The following SORCS2 variants were observed in gnomAD, a reference collection of about 807,000 sequenced individuals.
SORCS2 encodes sortilin related VPS10 domain containing receptor 2, also known as VPS10 domain-containing receptor SorCS2.
In SORCS2, 100 loss-of-function variants were observed where a neutral mutation model predicts 141.6. The observed-to-expected ratio is 0.71, with a 90% CI of 0.60 to 0.83. SORCS2 has a LOEUF of 0.83. Ranked by LOEUF, SORCS2 falls within the 40% of genes least tolerant of loss-of-function variation. The probability of loss-of-function intolerance (pLI) is 0.00; values close to 1 mark genes in which losing one functional copy is unlikely to be tolerated. For synonymous variants in SORCS2, 789 were observed against 676.9 expected, an observed-to-expected ratio of 1.17 and a Z score of -2.57; for missense variants, 1,646 against 1,560.2, an observed-to-expected ratio of 1.05 and a Z score of -0.93.
intron 1 of SORCS2, among the ~76,000 whole-genome samples, chr4:7,227,896 CG>C (rs1050535311): frequency 2.0e-5 from 3 of 152,046 alleles, no homozygotes; most frequent in Non-Finnish European, 2.9e-5. Context: ...CTCAGGGTGC[CG>C]GGGAGGGCAT....
intron 4 of SORCS2, among the ~76,000 whole-genome samples, chr4:7,651,871 G>A (rs986782338): frequency 2.0e-5 from 3 of 152,210 alleles, no homozygotes; most frequent in Admixed American, 6.5e-5. Context: ...CGGGGACTCG[G>A]AAGGCACATT....
chr4:7,249,298 C>T (rs1713325275), intron 1 of SORCS2, among the ~76,000 whole-genome samples: 1 of 152,148 alleles, frequency 6.6e-6, no homozygotes, highest in Non-Finnish European at 1.5e-5. Flanking sequence ...CTCTCTCCTG[C>T]AGCCTCTTCA....
At chr4:7,511,451 C>CAG (rs1036189309) in intron 2 of SORCS2, among the ~76,000 whole-genome samples, 1 of 146,354 alleles carries the variant, frequency 6.8e-6, no homozygotes, top group Non-Finnish European at 1.5e-5. Context: ...CACACACACA[C>CAG]ACACACAGAT....
At chr4:7,241,813 G>A (rs1192552982) in intron 1 of SORCS2, among the ~76,000 whole-genome samples, 1 of 152,208 alleles carries the variant, frequency 6.6e-6, no homozygotes, top group African/African-American at 2.4e-5. Context: ...GAGCACTTGG[G>A]GAAATGAGCA....
chr4:7,683,564 A>G (rs561334608), intron 10 of SORCS2, among the ~76,000 whole-genome samples: 1 of 152,362 alleles, frequency 6.6e-6, no homozygotes, highest in East Asian at 1.9e-4. Context: ...GAAACAGGCA[A>G]GTACAATTCA....
intron 1 of SORCS2, among the ~76,000 whole-genome samples, chr4:7,317,955 T>G (rs58875428): frequency 0.024 from 3,679 of 152,300 alleles, 50 homozygotes; most frequent in Admixed American, 0.041. Flanking sequence ...CTTCAGAATG[T>G]GACAGAAACT....
chr4:7,325,874 C>T (rs576644944), intron 1 of SORCS2, among the ~76,000 whole-genome samples: 5 of 152,228 alleles, frequency 3.3e-5, no homozygotes, highest in South Asian at 2.1e-4. Flanking sequence ...GATAACCCAG[C>T]GGGATCCATG....
intron 2 of SORCS2, among the ~76,000 whole-genome samples, chr4:7,428,773 A>C (rs1003968199): frequency 1.3e-5 from 2 of 152,134 alleles, no homozygotes; most frequent in Non-Finnish European, 2.9e-5. Flanking sequence ...TGGGTTGGTA[A>C]GGGCCTCAGC....
intron 3 of SORCS2, among the ~76,000 whole-genome samples, chr4:7,545,403 A>G (rs1258895072): frequency 6.6e-6 from 1 of 152,170 alleles, no homozygotes; most frequent in East Asian, 1.9e-4. Context: ...GAGACTTACC[A>G]TGTGCTGGGT....
At chr4:7,436,025 A>G (rs1184440381) in intron 2 of SORCS2, among the ~76,000 whole-genome samples, 2 of 152,256 alleles carry the variant, frequency 1.3e-5, no homozygotes, top group Non-Finnish European at 2.9e-5. Flanking sequence ...TGAGGAATGC[A>G]ATAGTGCAGG....
Position 7,531,544 on chromosome 4 carries a change from G to C in SORCS2, c.563G>C (p.Gly188Ala). Residue 188 changes from glycine to alanine, a missense_variant, in exon 3 of 27, where the codon GGG (glycine) becomes GCG (alanine). Coordinates refer to ENST00000507866, the MANE Select transcript of SORCS2 (RefSeq NM_020777.3). ...TTTTCCCCCAGGTCATCAGATTTCG[G>C]GACGTCCTACACCAAGCTCACCCTC... ...ESSLWRSSDF[G>A]TSYTKLTLQP... 6.2e-7 allele frequency: 1 copy of C among 1,613,812 alleles called. No individual in the cohort carries two copies. The highest frequency in any genetic ancestry group is 1.7e-5 in the Admixed American group (1 of 60,010).
At chr4:7,449,869 A>G (rs925406387) in intron 2 of SORCS2, among the ~76,000 whole-genome samples, 3 of 152,188 alleles carry the variant, frequency 2.0e-5, no homozygotes, top group Admixed American at 6.5e-5. Flanking sequence ...AGAGAGGTTC[A>G]TGAGGAAGGT....
intron 1 of SORCS2, among the ~76,000 whole-genome samples, chr4:7,371,725 G>A (rs573760360): frequency 7.2e-5 from 11 of 152,302 alleles, no homozygotes; most frequent in Middle Eastern, 6.8e-3. Context: ...CACTGACCCC[G>A]GGAGCCACGT....
chr4:7,200,816 A>T (rs984792846), intron 1 of SORCS2, among the ~76,000 whole-genome samples: 2 of 151,896 alleles, frequency 1.3e-5, no homozygotes, highest in African/African-American at 4.8e-5. Flanking sequence ...GGGGCCACAC[A>T]CTCCATGGAT....
intron 1 of SORCS2, among the ~76,000 whole-genome samples, chr4:7,266,962 G>A (rs1458699060): frequency 6.7e-6 from 1 of 150,044 alleles, no homozygotes; most frequent in Non-Finnish European, 1.5e-5. Context: ...CAGTCTGGAA[G>A]AATCAGTGGG....
At chr4:7,730,831 GAAT>G (rs1347629476) in intron 23 of SORCS2, among the ~76,000 whole-genome samples, 1 of 152,168 alleles carries the variant, frequency 6.6e-6, no homozygotes, top group African/African-American at 2.4e-5. Context: ...ACAACTTAGG[GAAT>G]ATACTACAAT....
In SORCS2 at chr4:7,704,286, TGAG is replaced by T. The variant is rs775178002; in HGVS notation, c.1868+3_1868+5del. The T allele has an allele frequency of 6.2e-7, 1 of 1,608,128 alleles. No homozygotes were observed. The highest frequency in any genetic ancestry group is 1.7e-5 in the Admixed American group (1 of 59,288). On this transcript the variant is annotated splice_donor_5th_base_variant and intron_variant, in intron 14 of 26. Coordinates refer to ENST00000507866, the MANE Select transcript of SORCS2 (RefSeq NM_020777.3). Reference sequence around the variant, plus strand: ...AGGGGACGAGACGCTGGTCATGACGTGAGTGCGGGGACCGGGGAGTGGGCACTG... The same window carrying T: ...AGGGGACGAGACGCTGGTCATGACGTTGCGGGGACCGGGGAGTGGGCACTG...
chr4:7,742,080 C>T lies in SORCS2; in HGVS notation c.*1816C>T, dbSNP rs1487498077. ...AAAGCTCTCTCCCCACCCTACCTGC[C>T]CACCTGGGGCTCCTGTGCCCCCTCC... On this transcript the variant is annotated 3_prime_UTR_variant, in exon 27 of 27. Transcript: ENST00000507866. 1 of 152,270 alleles carries T rather than the reference C, an allele frequency of 6.6e-6. No homozygotes were observed. The highest frequency in any genetic ancestry group is 1.5e-5 in the Non-Finnish European group (1 of 68,102). 9.4% of individuals were successfully genotyped at this position (152,270 alleles called of 1,614,324 possible). A position where few individuals can be genotyped will look rare whatever the true frequency, so the allele number is the denominator to read the frequency against.
intron 2 of SORCS2, among the ~76,000 whole-genome samples, chr4:7,403,903 C>A (rs1006985263): frequency 2.1e-5 from 3 of 143,326 alleles, no homozygotes; most frequent in Non-Finnish European, 4.6e-5. Context: ...TCCACCCCCC[C>A]GTACCCCATC....
Sources: allele counts gnomAD v4.1 joint callset (sites outside exome capture counted in the v4.1 genomes callset), GRCh38; gene constraint gnomAD v4.1.1; transcripts MANE v1.5; gene names NCBI Gene and HGNC (gene_info 2026-07-23, HGNC 2026-07-21).